Variants in CNTN5 observed in about 807,000 individuals in gnomAD.
CNTN5 encodes contactin 5.
Under a neutral mutation model 129.1 loss-of-function variants are expected in CNTN5, and 77 were observed. The ratio of observed to expected loss-of-function variants is 0.60; its 90% CI spans 0.50 to 0.72. The LOEUF (loss-of-function observed/expected upper bound fraction) is 0.72, where lower values mean the gene tolerates loss of function less well. Among genes scored for constraint, CNTN5 ranks in the 30% least tolerant of loss-of-function variants. CNTN5 has a pLI of 0.00. For synonymous variants in CNTN5, 509 were observed against 465.6 expected, an observed-to-expected ratio of 1.09 and a Z score of -1.20; for missense variants, 1,478 against 1,328.8, an observed-to-expected ratio of 1.11 and a Z score of -1.75.
intron 2 of CNTN5, among the ~76,000 whole-genome samples, chr11:99,435,732 C>T (rs530509510): frequency 6.6e-6 from 1 of 152,206 alleles, no homozygotes; most frequent in East Asian, 1.9e-4. Flanking sequence ...TGTCTATAAC[C>T]AAACCTACAC....
Position 100,299,272 on chromosome 11 carries a change from C to T in CNTN5, c.2496C>T (p.Ser832=), listed in dbSNP as rs534987803. ...KEKMVTSSEA[S]KFIYRDESVP... ...AAATGGTGACATCCTCTGAAGCTTC[C>T]AAATTCATTTATCGAGATGAAAGTG... Residue 832 remains serine, a synonymous_variant, in exon 20 of 25, where the codon TCC becomes TCT. Coordinates refer to ENST00000524871, the MANE Select transcript of CNTN5 (RefSeq NM_014361.4). 5 of 1,610,688 alleles carry T rather than the reference C, an allele frequency of 3.1e-6. No homozygotes were observed. In the African/African-American group the frequency reaches 6.7e-5, roughly 22 times the overall value.
At chr11:99,132,188 A>G (rs537104336) in intron 1 of CNTN5, among the ~76,000 whole-genome samples, 15 of 126,898 alleles carry the variant, frequency 1.2e-4, no homozygotes, top group Non-Finnish European at 2.4e-4. Flanking sequence ...GGCCTTGGAT[A>G]AAATTTAACA....
chr11:99,212,633 C>A (rs1335153456), intron 1 of CNTN5, among the ~76,000 whole-genome samples: 5 of 152,036 alleles, frequency 3.3e-5, no homozygotes, highest in African/African-American at 1.2e-4. Context: ...ACTACCCACC[C>A]TTTATTGTAT....
Position 100,255,825 on chromosome 11 carries a change from T to C in CNTN5, c.2071T>C (p.Trp691Arg), listed in dbSNP as rs1249841010. ...EITESTATLS[W>R]SPAADNHSPI... ...AACCGAAAGTACGGCCACACTGTCCTGGAGCCCAGCAGCTGACAACCACAG... is the reference window on the plus strand; with the variant it reads ...AACCGAAAGTACGGCCACACTGTCCCGGAGCCCAGCAGCTGACAACCACAG... Residue 691 changes from tryptophan to arginine, a missense_variant, in exon 17 of 25, where the codon TGG (tryptophan) becomes CGG (arginine). By Grantham distance (101) the Trp-to-Arg change is moderately radical. Coordinates refer to ENST00000524871, the MANE Select transcript of CNTN5 (RefSeq NM_014361.4). 2 of 1,613,984 alleles carry C rather than the reference T, an allele frequency of 1.2e-6. No homozygotes were observed. The highest frequency in any genetic ancestry group is 2.2e-5 in the South Asian group (2 of 91,080).
chr11:99,141,920 A>G (rs1940507), intron 1 of CNTN5, among the ~76,000 whole-genome samples: 137,261 of 152,242 alleles, frequency 0.9, 62,094 homozygotes, highest in East Asian at 0.99. Context: ...GGCCAATTTT[A>G]GAGTATTTGC....
intron 8 of CNTN5, among the ~76,000 whole-genome samples, chr11:99,973,975 C>T (rs1296435422): frequency 1.3e-5 from 2 of 152,146 alleles, no homozygotes; most frequent in Non-Finnish European, 1.5e-5. Flanking sequence ...TTCAGTTATA[C>T]CAATATAATC....
rs1952528553 is a variant in CNTN5, at chr11:100,356,455, A to G, written c.*235A>G. On this transcript the variant is annotated 3_prime_UTR_variant, in exon 25 of 25. Transcript: ENST00000524871. ...AGTCCAGTAAAAATATGCAGATTGT[A>G]TGTAATGAATTTTTGTAAACAAAGG... 4.0e-6 allele frequency: 2 copies of G among 500,446 alleles called. No homozygotes were observed. The highest frequency in any genetic ancestry group is 7.1e-6 in the Non-Finnish European group (2 of 282,544). The allele number at this position is 500,446 out of a possible 1,614,324, so 31.0% of individuals were successfully genotyped here. A position where few individuals can be genotyped will look rare whatever the true frequency, so the allele number is the denominator to read the frequency against.
chr11:99,433,754 A>G (rs919879174), intron 2 of CNTN5, among the ~76,000 whole-genome samples: 3 of 152,160 alleles, frequency 2.0e-5, no homozygotes, highest in African/African-American at 7.2e-5. Flanking sequence ...CAATCAATAC[A>G]GGATAGTTGA....
intron 2 of CNTN5, among the ~76,000 whole-genome samples, chr11:99,433,090 A>T (rs1456493187): frequency 6.6e-6 from 1 of 151,632 alleles, no homozygotes; most frequent in Admixed American, 6.6e-5. Flanking sequence ...CAGAGGATGG[A>T]AATCTGAAAT....
chr11:99,228,080 T>A (rs1860785514), intron 1 of CNTN5, among the ~76,000 whole-genome samples: 1 of 152,136 alleles, frequency 6.6e-6, no homozygotes, highest in Non-Finnish European at 1.5e-5. Context: ...TTTTTGAAAC[T>A]GTAAAGAGAA....
intron 3 of CNTN5, among the ~76,000 whole-genome samples, chr11:99,582,194 A>T (rs2510972): frequency 3.3e-5 from 5 of 152,104 alleles, no homozygotes; most frequent in South Asian, 2.1e-4. Flanking sequence ...CCGAGAGATC[A>T]GCTGTTAGTC....
rs777600139 is a variant in CNTN5, at chr11:100,182,223, G to A, written c.1581-8903G>A. 1.7e-4 allele frequency among the ~76,000 whole-genome samples: 26 copies of A among 152,028 alleles called. 1 individual carries two copies. Among genetic ancestry groups the A allele is most frequent in the Non-Finnish European group, 3.1e-4 (21 of 67,986 alleles). On this transcript the variant is annotated intron_variant, in intron 13 of 24. Coordinates refer to ENST00000524871, the MANE Select transcript of CNTN5 (RefSeq NM_014361.4). ...AAAATACAGTGTTTTAGTTTGGGCA[G>A]CTGTAACAAATTACTGCAGCCTGGT...
intron 3 of CNTN5, among the ~76,000 whole-genome samples, chr11:99,658,412 T>G (rs1308011052): frequency 6.6e-6 from 1 of 151,992 alleles, no homozygotes; most frequent in Non-Finnish European, 1.5e-5. Context: ...AATATAAAAT[T>G]AGAACTAAAA....
At chr11:99,358,808 T>C (rs1938897255) in intron 2 of CNTN5, among the ~76,000 whole-genome samples, 1 of 152,194 alleles carries the variant, frequency 6.6e-6, no homozygotes, top group Admixed American at 6.5e-5. Flanking sequence ...CATTGATTAT[T>C]TGTGTTATTA....
chr11:99,632,762 G>A (rs560734024), intron 3 of CNTN5, among the ~76,000 whole-genome samples: 1 of 152,248 alleles, frequency 6.6e-6, no homozygotes, highest in South Asian at 2.1e-4. Context: ...AGTCTGAGAT[G>A]TTGTTTTGCA....
chr11:99,239,025 T>C (rs1861414378), intron 1 of CNTN5, among the ~76,000 whole-genome samples: 1 of 152,262 alleles, frequency 6.6e-6, no homozygotes, highest in East Asian at 1.9e-4. Context: ...TATGTAGTAG[T>C]TTATTTCTCT....
intron 4 of CNTN5, among the ~76,000 whole-genome samples, chr11:99,834,560 A>G (rs1947244666): frequency 6.6e-6 from 1 of 152,162 alleles, no homozygotes. Context: ...AAACGATTGC[A>G]CTTTTATTTG....
At chr11:99,654,924 ATGAG>A (rs1233340897) in intron 3 of CNTN5, among the ~76,000 whole-genome samples, 5 of 152,054 alleles carry the variant, frequency 3.3e-5, no homozygotes, top group Admixed American at 6.6e-5. Context: ...GTGTCCCTGA[ATGAG>A]GAGATGGGAG....
intron 9 of CNTN5, among the ~76,000 whole-genome samples, chr11:100,007,459 C>T (rs1940265483): frequency 6.6e-6 from 1 of 152,064 alleles, no homozygotes; most frequent in Non-Finnish European, 1.5e-5. Flanking sequence ...GATAGATTTT[C>T]TGAATAACTA....
Sources: allele counts gnomAD v4.1 joint callset (sites outside exome capture counted in the v4.1 genomes callset), GRCh38; gene constraint gnomAD v4.1.1; transcripts MANE v1.5; gene names NCBI Gene and HGNC (gene_info 2026-07-23, HGNC 2026-07-21).